MGMT: variants seen among roughly 807,000 people sequenced by gnomAD.
The protein encoded by MGMT is methylated-DNA--protein-cysteine methyltransferase.
A neutral mutation model predicts 15.9 loss-of-function variants in MGMT; 14 were observed. The ratio of observed to expected loss-of-function variants is 0.88; its 90% CI spans 0.58 to 1.37. MGMT has a LOEUF of 1.37. MGMT is among the 40% of genes most tolerant of loss of function. The probability of loss-of-function intolerance (pLI) is 0.00; values close to 1 mark genes in which losing one functional copy is unlikely to be tolerated. For missense variants in MGMT, 282 were observed against 268.1 expected (o/e 1.05, Z -0.36); for synonymous variants, 130 against 118.2 (o/e 1.10, Z -0.65).
chr10:129,667,107 A>T (rs12414229), intron 2 of MGMT, among the ~76,000 whole-genome samples: 8,015 of 152,244 alleles, frequency 0.053, 343 homozygotes, highest in Admixed American at 0.12. Context: ...GATAATACAC[A>T]CAGAGAGAAG....
At chr10:129,742,998 G>A (rs997257106) in intron 3 of MGMT, among the ~76,000 whole-genome samples, 2 of 106,164 alleles carry the variant, frequency 1.9e-5, no homozygotes, top group East Asian at 3.5e-4. Context: ...GGTGGTAAAC[G>A]ATAAAAAAAC....
At chr10:129,701,587 G>A (rs1366166984) in intron 2 of MGMT, 1 of 152,126 alleles carries the variant, frequency 6.6e-6, no homozygotes, top group East Asian at 1.9e-4. Flanking sequence ...TCTCCCAGCT[G>A]GCTGGTCAAG....
chr10:129,702,340 T>C (rs1017203889), intron 2 of MGMT, among the ~76,000 whole-genome samples: 4 of 152,216 alleles, frequency 2.6e-5, no homozygotes, highest in Non-Finnish European at 5.9e-5. Context: ...CCAGCAAAGC[T>C]GGGCTGCTTC....
intron 1 of MGMT, among the ~76,000 whole-genome samples, chr10:129,480,694 AT>A (rs1275792798): frequency 6.6e-6 from 1 of 152,090 alleles, no homozygotes; most frequent in South Asian, 2.1e-4. Context: ...CCTGGGCAAT[AT>A]AGCAAGATCC....
intron 2 of MGMT, among the ~76,000 whole-genome samples, chr10:129,658,002 C>A (rs910893357): frequency 1.3e-5 from 2 of 152,108 alleles, no homozygotes; most frequent in African/African-American, 4.8e-5. Context: ...ATTGGTAGTT[C>A]TCCCCCATCC....
At chr10:129,622,270 C>T (rs557158) in intron 2 of MGMT, among the ~76,000 whole-genome samples, 63,690 of 151,928 alleles carry the variant, frequency 0.42, 14,179 homozygotes, top group East Asian at 0.62. Flanking sequence ...GAGATTTTCT[C>T]ATCTTCGCAT....
chr10:129,528,832 T>G (rs1483868437), intron 1 of MGMT, among the ~76,000 whole-genome samples: 1 of 152,146 alleles, frequency 6.6e-6, no homozygotes, highest in Admixed American at 6.5e-5. Flanking sequence ...CATCTGACTT[T>G]AGAAAAAGTA....
At chr10:129,499,395 G>C (rs1250649121) in intron 1 of MGMT, among the ~76,000 whole-genome samples, 2 of 152,224 alleles carry the variant, frequency 1.3e-5, no homozygotes, top group African/African-American at 4.8e-5. Flanking sequence ...GGATATGCCA[G>C]CTAATTAGCT....
chr10:129,495,228 G>A (rs556646852), intron 1 of MGMT, among the ~76,000 whole-genome samples: 4 of 152,278 alleles, frequency 2.6e-5, no homozygotes, highest in Admixed American at 6.5e-5. Context: ...TACAAATAAC[G>A]TAATTTAGAG....
intron 1 of MGMT, among the ~76,000 whole-genome samples, chr10:129,488,156 GT>G (rs2119650515): frequency 6.6e-6 from 1 of 152,134 alleles, no homozygotes; most frequent in Non-Finnish European, 1.5e-5. Flanking sequence ...GAGTGTCAGT[GT>G]TCAATGCTAC....
chr10:129,521,533 G>C (rs545676626), intron 1 of MGMT, among the ~76,000 whole-genome samples: 36 of 152,306 alleles, frequency 2.4e-4, no homozygotes, highest in African/African-American at 7.7e-4. Context: ...GCTCACAGCC[G>C]GGGCTAGATT....
intron 1 of MGMT, among the ~76,000 whole-genome samples, chr10:129,481,876 G>A (rs1762427): frequency 0.9 from 137,574 of 152,172 alleles, 62,325 homozygotes; most frequent in Middle Eastern, 0.94. Flanking sequence ...TTTTCAGAGA[G>A]CCAACTTTCG....
rs1279473464 is a variant in MGMT, at chr10:129,707,962, T to A, written c.193T>A (p.Trp65Arg). ...GPEPLMQCTA[W>R]LNAYFHQPEA... ...GGAGCCCCTGATGCAGTGCACAGCCTGGCTGAATGCCTATTTCCACCAGCC... is the reference window on the plus strand; with the variant it reads ...GGAGCCCCTGATGCAGTGCACAGCCAGGCTGAATGCCTATTTCCACCAGCC... The change falls in exon 3 of 5, where the codon TGG becomes AGG. Residue 65 changes from tryptophan to arginine, a missense_variant. Trp to Arg is a moderately radical substitution (Grantham distance 101, BLOSUM62 -3). Coordinates refer to ENST00000651593, the MANE Select transcript of MGMT (RefSeq NM_002412.5). 1 of 1,613,596 alleles carries A rather than the reference T, an allele frequency of 6.2e-7. No individual in the cohort carries two copies. The highest frequency in any genetic ancestry group is 2.2e-5 in the East Asian group (1 of 44,876).
intron 2 of MGMT, among the ~76,000 whole-genome samples, chr10:129,582,099 C>CT (rs1846563446): frequency 6.6e-6 from 1 of 152,188 alleles, no homozygotes; most frequent in South Asian, 2.1e-4. Flanking sequence ...ACAAGTGCTC[C>CT]TTTTTTGAGT....
chr10:129,586,946 T>G (rs1846625151), intron 2 of MGMT, among the ~76,000 whole-genome samples: 1 of 152,276 alleles, frequency 6.6e-6, no homozygotes, highest in Admixed American at 6.5e-5. Flanking sequence ...ATGGTGATAC[T>G]GTCTTTTAGT....
intron 2 of MGMT, among the ~76,000 whole-genome samples, chr10:129,667,023 A>G (rs1429303167): frequency 1.3e-5 from 2 of 152,230 alleles, no homozygotes; most frequent in Admixed American, 1.3e-4. Context: ...CAAACCCTGA[A>G]GTTGTATCCA....
chr10:129,638,455 A>AAAAAAAAAAAAAAAAAAAAAAAAC (rs1847290473), intron 2 of MGMT, among the ~76,000 whole-genome samples: 1 of 149,382 alleles, frequency 6.7e-6, no homozygotes, highest in Non-Finnish European at 1.5e-5. Flanking sequence ...AGAAAAAAAA[A>AAAAAAAAAAAAAAAAAAAAAAAAC]AGAAAAATAA....
chr10:129,507,122 G>C (rs1035753326), intron 1 of MGMT, among the ~76,000 whole-genome samples: 3 of 151,918 alleles, frequency 2.0e-5, no homozygotes, highest in Non-Finnish European at 2.9e-5. Flanking sequence ...TTCCTGCGAC[G>C]ACCAGTTCCT....
intron 2 of MGMT, among the ~76,000 whole-genome samples, chr10:129,655,377 A>G (rs1847513663): frequency 6.6e-6 from 1 of 152,172 alleles, no homozygotes; most frequent in Non-Finnish European, 1.5e-5. Flanking sequence ...TTGAAGACAC[A>G]TTTCTTTCAC....
Sources: gnomAD v4.1 joint callset for allele counts (sites outside exome capture counted in the v4.1 genomes callset) on GRCh38, gnomAD v4.1.1 for gene constraint, MANE v1.5 for transcripts, NCBI Gene and HGNC (gene_info 2026-07-23, HGNC 2026-07-21) for gene names.